Variants in KIAA0232 observed in about 807,000 individuals in gnomAD.
KIAA0232 encodes uncharacterized protein KIAA0232.
A neutral mutation model predicts 122.0 loss-of-function variants in KIAA0232; 27 were observed. The observed-to-expected ratio is 0.22, with a 90% CI of 0.16 to 0.31. The LOEUF is 0.31. Ranked by LOEUF, KIAA0232 falls within the 10% of genes least tolerant of loss-of-function variation. The probability of loss-of-function intolerance (pLI) is 1.00; values close to 1 mark genes in which losing one functional copy is unlikely to be tolerated. For missense variants in KIAA0232, 1,551 were observed against 1,634.2 expected, an observed-to-expected ratio of 0.95 and a Z score of 0.88; for synonymous variants, 613 against 587.6, an observed-to-expected ratio of 1.04 and a Z score of -0.63.
chr4:6,798,590 C>T (rs775898717), intron 1 of KIAA0232, among the ~76,000 whole-genome samples: 12 of 152,214 alleles, frequency 7.9e-5, no homozygotes, highest in Admixed American at 4.6e-4. Flanking sequence ...GTCTCGCTGT[C>T]GCACAGGCTG....
intron 3 of KIAA0232, among the ~76,000 whole-genome samples, chr4:6,837,282 C>T (rs1203253034): frequency 5.3e-5 from 8 of 151,692 alleles, no homozygotes; most frequent in East Asian, 2.0e-4. Context: ...GGGTTGGCGG[C>T]GGGGCAGAGA....
At position 6,881,084 on chromosome 4, in the gene KIAA0232, G is replaced by A. The variant is rs1193327173; in HGVS notation, c.*118G>A. On this transcript the variant is annotated 3_prime_UTR_variant, in exon 10 of 10. Transcript: ENST00000307659. ...GTTTCCTCTTCAATTAACTGATTCA[G>A]ATTGGTAATAATTATCTTTCTCTTC... The A allele has an allele frequency of 3.0e-6, 2 of 677,000 alleles. No homozygotes were observed. The highest frequency in any genetic ancestry group is 4.5e-6 in the Non-Finnish European group (2 of 448,174). The allele number at this position is 677,000 out of a possible 1,614,324, so 41.9% of individuals were successfully genotyped here.
At position 6,785,597 on chromosome 4, in the gene KIAA0232, A is replaced by G. The variant is rs148202941; in HGVS notation, c.-354+2756A>G. On this transcript the variant is annotated intron_variant, in intron 1 of 9. Coordinates refer to ENST00000307659, the MANE Select transcript of KIAA0232 (RefSeq NM_014743.3). ...AAACCTCAGATTACTTGCTTTGCTT[A>G]AAGTTTTTAACTTTGTCTTCAGGCT... 7.5e-4 allele frequency among the ~76,000 whole-genome samples: 115 copies of G among 152,358 alleles called. 1 individual carries two copies. The East Asian group carries it at 0.02, about 27-fold the overall frequency.
At chr4:6,791,302 GC>G (rs1321600745) in intron 1 of KIAA0232, among the ~76,000 whole-genome samples, 1 of 143,174 alleles carries the variant, frequency 7.0e-6, no homozygotes, top group Non-Finnish European at 1.5e-5. Flanking sequence ...AATACAAGTA[GC>G]TGTCATAAAG....
chr4:6,858,435 T>G lies in KIAA0232; in HGVS notation c.447T>G (p.Ile149Met). Reference protein sequence around the residue: ...KDLQSKQEEKIHKKLEGSPSP... With the variant: ...KDLQSKQEEKMHKKLEGSPSP... ...TTTGTTTCATAACAGAAGAGAAGATTCACAAAAAGTTAGAGGGGTCTCCCT... is the reference window on the plus strand; with the variant it reads ...TTTGTTTCATAACAGAAGAGAAGATGCACAAAAAGTTAGAGGGGTCTCCCT... Residue 149 changes from isoleucine to methionine, a missense_variant, in exon 6 of 10, where the codon ATT (isoleucine) becomes ATG (methionine). Physicochemically the swap from Ile to Met is conservative, Grantham distance 10. This residue lies in a region of KIAA0232 where 377 missense variants were observed against 381.7 expected (regional missense o/e 0.99). Transcript: ENST00000307659. The G allele has an allele frequency of 6.3e-7, 1 of 1,597,714 alleles. No homozygotes were observed. Among genetic ancestry groups the G allele is most frequent in the African/African-American group, 1.3e-5 (1 of 74,198 alleles).
At position 6,824,458 on chromosome 4, in the gene KIAA0232, A is replaced by T. The variant is rs376473946; in HGVS notation, c.5A>T (p.Tyr2Phe). Residue 2 changes from tyrosine to phenylalanine, a missense_variant, in exon 3 of 10, where the codon TAC becomes TTC. Tyr to Phe is a conservative substitution (Grantham distance 22). Coordinates refer to ENST00000307659, the MANE Select transcript of KIAA0232 (RefSeq NM_014743.3). ...GGATGTCGGCAACCTAAATTCATGTACCCTATCTGTACAGTTGTTGTGGAT... is the reference window on the plus strand; with the variant it reads ...GGATGTCGGCAACCTAAATTCATGTTCCCTATCTGTACAGTTGTTGTGGAT... The part of the protein sequence containing the change: M[Y>F]PICTVVVDGL... The T allele has an allele frequency of 6.2e-7, 1 of 1,613,508 alleles. No individual in the cohort carries two copies. Among genetic ancestry groups the T allele is most frequent in the African/African-American group, 1.3e-5 (1 of 74,914 alleles).
chr4:6,854,459 AG>A (rs1720467611), intron 4 of KIAA0232, among the ~76,000 whole-genome samples: 1 of 152,194 alleles, frequency 6.6e-6, no homozygotes, highest in Non-Finnish European at 1.5e-5. Flanking sequence ...TCAGGAGGAC[AG>A]GGGTCGTCAT....
chr4:6,792,704 T>TC (rs1228391854), intron 1 of KIAA0232, among the ~76,000 whole-genome samples: 1 of 150,512 alleles, frequency 6.6e-6, no homozygotes, highest in African/African-American at 2.4e-5. Flanking sequence ...TGTTTTTTTT[T>TC]TTTGAGACAG....
chr4:6,857,806 T>C (rs1370056116), intron 5 of KIAA0232, among the ~76,000 whole-genome samples: 1 of 152,224 alleles, frequency 6.6e-6, no homozygotes, highest in Non-Finnish European at 1.5e-5. Flanking sequence ...GAACGAGACC[T>C]TCATATTAAG....
Position 6,883,301 on chromosome 4 carries a change from C to G in KIAA0232, c.*2335C>G, listed in dbSNP as rs1172936054. 3.9e-5 allele frequency: 6 copies of G among 152,580 alleles called. No individual in the cohort carries two copies. 9.5% of individuals were successfully genotyped at this position (152,580 alleles called of 1,614,324 possible). ...TTGTATTGTTCTGATTTCACGTACA[C>G]CAGAGTAACTGATTTTTTTTTGTTT... is the stretch of plus-strand genomic sequence containing the variant. On this transcript the variant is annotated 3_prime_UTR_variant, in exon 10 of 10. Coordinates refer to ENST00000307659, the MANE Select transcript of KIAA0232 (RefSeq NM_014743.3).
chr4:6,831,859 T>C (rs1016900072), intron 3 of KIAA0232, among the ~76,000 whole-genome samples: 1 of 152,192 alleles, frequency 6.6e-6, no homozygotes, highest in African/African-American at 2.4e-5. Flanking sequence ...TTTCTTTGCC[T>C]CTTCAAAGGG....
At chr4:6,792,597 G>A (rs945344198) in intron 1 of KIAA0232, among the ~76,000 whole-genome samples, 2 of 151,802 alleles carry the variant, frequency 1.3e-5, no homozygotes, top group African/African-American at 4.8e-5. Flanking sequence ...AAAGGCACAG[G>A]GTTGGCTTTA....
intron 1 of KIAA0232, among the ~76,000 whole-genome samples, chr4:6,798,996 A>G (rs1311776956): frequency 6.6e-6 from 1 of 152,170 alleles, no homozygotes; most frequent in African/African-American, 2.4e-5. Context: ...GCTTTTAACA[A>G]CAGAAGTGTA....
chr4:6,824,456 G>GTA lies in KIAA0232; in HGVS notation c.4_5dup (p.Pro3ThrfsTer54), dbSNP rs1208043961. ...AAGGATGTCGGCAACCTAAATTCAT[G>GTA]TACCCTATCTGTACAGTTGTTGTGG... is the stretch of plus-strand genomic sequence containing the variant. On this transcript the variant is annotated frameshift_variant, in exon 3 of 10. Transcript: ENST00000307659. LOFTEE classifies it high-confidence loss of function. The GTA allele has an allele frequency of 1.2e-6, 2 of 1,613,386 alleles. No homozygotes were observed. Among genetic ancestry groups the GTA allele is most frequent in the Non-Finnish European group, 1.7e-6 (2 of 1,179,308 alleles).
intron 3 of KIAA0232, among the ~76,000 whole-genome samples, chr4:6,825,891 C>G (rs556983063): frequency 6.6e-6 from 1 of 152,170 alleles, no homozygotes; most frequent in African/African-American, 2.4e-5. Flanking sequence ...CTTTGCCCCT[C>G]CAGACCACAC....
intron 1 of KIAA0232, among the ~76,000 whole-genome samples, chr4:6,803,204 C>CATAT (rs34234535): frequency 0.012 from 1,635 of 141,590 alleles, 13 homozygotes; most frequent in East Asian, 0.024. Context: ...AAAATGAGTG[C>CATAT]ATATATATAT....
chr4:6,849,142 G>A (rs1720133900), intron 4 of KIAA0232, among the ~76,000 whole-genome samples: 1 of 152,230 alleles, frequency 6.6e-6, no homozygotes, highest in Non-Finnish European at 1.5e-5. Context: ...AGTGAGCTGT[G>A]CTGGAGGGAC....
In KIAA0232 at chr4:6,837,647, T is replaced by TC. The variant is rs1277511666; in HGVS notation, c.232-4418dup. Among the ~76,000 whole-genome samples the TC allele has an allele frequency of 5.9e-5, 9 of 152,330 alleles. No homozygotes were observed. In the South Asian group the frequency reaches 1.7e-3, roughly 28 times the overall value. ...ACATTGAGCACTGAGTGAGCGAGAC[T>TC]CCGTCTGCAATCCCGGCACCTCGGG... On this transcript the variant is annotated intron_variant, in intron 3 of 9. Coordinates refer to ENST00000307659, the MANE Select transcript of KIAA0232 (RefSeq NM_014743.3).
intron 8 of KIAA0232, among the ~76,000 whole-genome samples, chr4:6,875,630 AG>A (rs955178301): frequency 5.6e-4 from 85 of 152,296 alleles, no homozygotes; most frequent in African/African-American, 1.9e-3. Context: ...GTGTTGTGCA[AG>A]GGGCAGGCAT....
Sources: allele counts gnomAD v4.1 joint callset (sites outside exome capture counted in the v4.1 genomes callset), GRCh38; gene constraint gnomAD v4.1.1; regional missense constraint gnomAD v4.1.1; transcripts MANE v1.5; gene names NCBI Gene and HGNC (gene_info 2026-07-23, HGNC 2026-07-21).